Variants in ANKLE2 observed in about 807,000 individuals in gnomAD.
The protein encoded by ANKLE2 is ankyrin repeat and LEM domain-containing protein 2.
A neutral mutation model predicts 84.2 loss-of-function variants in ANKLE2; 55 were observed. That is an observed-to-expected ratio of 0.65 (90% confidence interval 0.53 to 0.82). The LOEUF (loss-of-function observed/expected upper bound fraction) is 0.82, where lower values mean the gene tolerates loss of function less well. Among genes scored for constraint, ANKLE2 ranks in the 40% least tolerant of loss-of-function variants. ANKLE2 has a pLI of 0.00. For missense variants in ANKLE2, 1,238 were observed against 1,201.9 expected, an observed-to-expected ratio of 1.03 and a Z score of -0.44; for synonymous variants, 551 against 486.1, an observed-to-expected ratio of 1.13 and a Z score of -1.76.
chr12:132,744,830 G>A (rs964584263), intron 5 of ANKLE2, among the ~76,000 whole-genome samples: 21 of 152,078 alleles, frequency 1.4e-4, no homozygotes, highest in African/African-American at 4.8e-4. Flanking sequence ...ACAGGTGCCC[G>A]CCACCACGCC....
Position 132,729,686 on chromosome 12 carries a change from G to A in ANKLE2, c.2476C>T (p.Leu826Phe). The stretch of plus-strand genomic sequence containing the variant: ...AGGGCAACACACTCCTACCCAAAAA[G>A]GAAGAGCCGCCTGGCCGGTTCCCTG... Reference protein sequence around the residue: ...VTREPARRLFLFGEEPSKLDQ... With the variant: ...VTREPARRLFFFGEEPSKLDQ... Residue 826 changes from leucine (L) to phenylalanine (F), a missense_variant, in exon 11 of 13, where the codon CTT becomes TTT. By Grantham distance (22) the Leu-to-Phe change is conservative. Around this residue, in one of 3 missense-constraint regions of ANKLE2, gnomAD observed 802 missense variants for 774.5 expected, o/e 1.04. Coordinates refer to ENST00000357997, the MANE Select transcript of ANKLE2 (RefSeq NM_015114.3). 2 of 1,603,846 alleles carry A rather than the reference G, an allele frequency of 1.2e-6. No homozygotes were observed. Among genetic ancestry groups the A allele is most frequent in the Non-Finnish European group, 1.7e-6 (2 of 1,176,708 alleles).
At chr12:132,750,277 T>C (rs1334035631) in intron 3 of ANKLE2, among the ~76,000 whole-genome samples, 1 of 151,230 alleles carries the variant, frequency 6.6e-6, no homozygotes, top group Non-Finnish European at 1.5e-5. Context: ...TCTCAGCTAC[T>C]TGGGAGGCTA....
chr12:132,746,130 C>T (rs779289284), intron 5 of ANKLE2, among the ~76,000 whole-genome samples: 1 of 151,734 alleles, frequency 6.6e-6, no homozygotes, highest in East Asian at 1.9e-4. Flanking sequence ...GGGCCGATCA[C>T]GAGGTCAGGA....
intron 2 of ANKLE2, among the ~76,000 whole-genome samples, chr12:132,753,699 C>T (rs934424778): frequency 6.6e-6 from 1 of 151,866 alleles, no homozygotes; most frequent in African/African-American, 2.4e-5. Flanking sequence ...TGAGATCGCA[C>T]CACTGCACTC....
rs867700971 is a variant in ANKLE2 at position 132,761,823 on chromosome 12, C to G, written c.-25G>C. ...TCGCCGCCGCCCGGGCCGCAGCCGCCGAGAAGCCCGCGCCCCGCGCCGCGC... is the reference window on the plus strand; with the variant it reads ...TCGCCGCCGCCCGGGCCGCAGCCGCGGAGAAGCCCGCGCCCCGCGCCGCGC... On this transcript the variant is annotated 5_prime_UTR_variant, in exon 1 of 13. Transcript: ENST00000357997. 2.0e-6 allele frequency: 2 copies of G among 1,002,508 alleles called. No homozygotes were observed. The highest frequency in any genetic ancestry group is 1.8e-5 in the African/African-American group (1 of 57,076). The allele number at this position is 1,002,508 out of a possible 1,614,324, so 62.1% of individuals were successfully genotyped here.
intron 7 of ANKLE2, among the ~76,000 whole-genome samples, chr12:132,740,202 G>A (rs755103679): frequency 2.0e-5 from 3 of 152,236 alleles, no homozygotes; most frequent in African/African-American, 4.8e-5. Context: ...CAACGGCCCT[G>A]AGGAGGAACT....
rs1392382366 is a variant in ANKLE2 at position 132,727,307 on chromosome 12, A to G, written c.2752T>C (p.Tyr918His). Residue 918 changes from tyrosine (Y) to histidine (H), a missense_variant, in exon 13 of 13, where the codon TAC becomes CAC. By Grantham distance (83) the Tyr-to-His change is moderately conservative. This residue lies in a region of ANKLE2 where 802 missense variants were observed against 774.5 expected (regional missense o/e 1.04). Transcript: ENST00000357997. Reference protein sequence around the residue: ...AKPGLGSPGRYSPVHGSQLRR... With the variant: ...AKPGLGSPGRHSPVHGSQLRR... Reference sequence around the variant, plus strand: ...AGCTGGCTCCCGTGCACGGGGCTGTAGCGCCCAGGACTGCCCAGGCCTGGC... The same window carrying G: ...AGCTGGCTCCCGTGCACGGGGCTGTGGCGCCCAGGACTGCCCAGGCCTGGC... 6.4e-7 allele frequency: 1 copy of G among 1,564,628 alleles called. No homozygotes were observed. The highest frequency in any genetic ancestry group is 8.7e-7 in the Non-Finnish European group (1 of 1,155,192).
At chr12:132,742,114 T>C (rs1334850203) in intron 6 of ANKLE2, 2 of 262,250 alleles carry the variant, frequency 7.6e-6, no homozygotes, top group South Asian at 3.5e-5. Flanking sequence ...CTTTAAAAAG[T>C]CAAATGCTTT....
chr12:132,757,370 A>G (rs999726397), intron 1 of ANKLE2: 1 of 152,270 alleles, frequency 6.6e-6, no homozygotes, highest in African/African-American at 2.4e-5. Context: ...TCTATGAGCC[A>G]AAGGCCACGT....
At chr12:132,749,786 C>T (rs569450494) in intron 3 of ANKLE2, among the ~76,000 whole-genome samples, 2 of 152,328 alleles carry the variant, frequency 1.3e-5, no homozygotes, top group South Asian at 4.1e-4. Context: ...GGTCAGACTT[C>T]GGGCTGGACC....
In ANKLE2 at chr12:132,747,891, T is replaced by C. The variant is rs1566029633; in HGVS notation, c.1171A>G (p.Met391Val). The C allele has an allele frequency of 2.5e-6, 4 of 1,610,770 alleles. No individual in the cohort carries two copies. In the African/African-American group the frequency reaches 5.4e-5, roughly 22 times the overall value. The change falls in exon 5 of 13, where the codon ATG (methionine) becomes GTG (valine). Residue 391 changes from methionine (M) to valine (V), a missense_variant. Physicochemically the swap from Met to Val is conservative, Grantham distance 21. Transcript: ENST00000357997. ...ACGTAACGGATACGCTTCTGCAGCA[T>C]GGCCTCGTCGTCATCAGGGTACATC... ...RLMYPDDDEAMLQKRIRYVVD... is the reference protein window; with the variant it reads ...RLMYPDDDEAVLQKRIRYVVD...
chr12:132,752,105 C>A (rs1339063670), intron 2 of ANKLE2, among the ~76,000 whole-genome samples: 1 of 152,066 alleles, frequency 6.6e-6, no homozygotes, highest in Non-Finnish European at 1.5e-5. Flanking sequence ...CTTTGGGAGG[C>A]TGAGGCAGGT....
At chr12:132,744,673 T>G (rs914509434) in intron 5 of ANKLE2, among the ~76,000 whole-genome samples, 3 of 152,130 alleles carry the variant, frequency 2.0e-5, no homozygotes, top group Non-Finnish European at 4.4e-5. Context: ...AAGGACCAGA[T>G]AGTAAGCACT....
chr12:132,736,219 G>A (rs1161574315), intron 8 of ANKLE2, among the ~76,000 whole-genome samples: 14 of 152,378 alleles, frequency 9.2e-5, no homozygotes, highest in Non-Finnish European at 1.5e-5. Flanking sequence ...CAAAGTGCTG[G>A]GATTTCAGGC....
chr12:132,758,494 G>C (rs1030506256), intron 1 of ANKLE2: 1 of 152,212 alleles, frequency 6.6e-6, no homozygotes, highest in South Asian at 2.1e-4. Context: ...GAAACAGCTA[G>C]GTCTGAACAC....
chr12:132,747,950 A>G lies in ANKLE2; in HGVS notation c.1112T>C (p.Leu371Pro). 2 of 1,600,356 alleles carry G rather than the reference A, an allele frequency of 1.2e-6. No individual in the cohort carries two copies. Among genetic ancestry groups the G allele is most frequent in the Non-Finnish European group, 1.7e-6 (2 of 1,176,758 alleles). ...ENQASICQLT[L>P]DVLENPDFMR... ...GAAGTCAGGGTTCTCCAGGACGTCC[A>G]GAGTCAGCTGGCAGATGGAAGCCTG... The change falls in exon 5 of 13, where the codon CTG (leucine) becomes CCG (proline). Residue 371 changes from leucine to proline, a missense_variant. By Grantham distance (98) the Leu-to-Pro change is moderately conservative. Around this residue, in one of 3 missense-constraint regions of ANKLE2, gnomAD observed 802 missense variants for 774.5 expected, o/e 1.04. Transcript: ENST00000357997.
At chr12:132,740,921 G>A (rs1044886942) in intron 7 of ANKLE2, among the ~76,000 whole-genome samples, 5 of 141,234 alleles carry the variant, frequency 3.5e-5, no homozygotes, top group African/African-American at 7.5e-5. Context: ...AGGAGTACAG[G>A]AGGAGGAAGG....
At position 132,736,995 on chromosome 12, in the gene ANKLE2, TGG is replaced by T; in HGVS notation, c.1489_1490del (p.Pro497ArgfsTer5). The part of the protein sequence containing the change: ...SSPVIGELWS[P>X]DQTAEASHVS... ...CGTGAGAGGCCTCAGCCGTCTGGTC[TGG>T]GGACCACAGCTCCCCGATGACTGGA... On this transcript the variant is annotated frameshift_variant, in exon 8 of 13. Coordinates refer to ENST00000357997, the MANE Select transcript of ANKLE2 (RefSeq NM_015114.3). LOFTEE classifies it high-confidence loss of function. The T allele has an allele frequency of 1.9e-6, 3 of 1,613,578 alleles. No individual in the cohort carries two copies. The highest frequency in any genetic ancestry group is 2.5e-6 in the Non-Finnish European group (3 of 1,179,644).
At position 132,729,846 on chromosome 12, in the gene ANKLE2, T is replaced by G. The variant is rs1365484452; in HGVS notation, c.2316A>C (p.Arg772Ser). The change falls in exon 11 of 13, where the codon AGA becomes AGC. Residue 772 changes from arginine (R) to serine (S), a missense_variant. Transcript: ENST00000357997. ...CTGCGGGAGAAGGCTCTAACAAGTC[T>G]CTTTCTACTGCATTGATTCTTGAAG... ...ILTSRINAVERDLLEPSPADQ... is the reference protein window; with the variant it reads ...ILTSRINAVESDLLEPSPADQ... 1 of 1,613,590 alleles carries G rather than the reference T, an allele frequency of 6.2e-7. No homozygotes were observed. Among genetic ancestry groups the G allele is most frequent in the Non-Finnish European group, 8.5e-7 (1 of 1,179,840 alleles).
Sources: allele counts gnomAD v4.1 joint callset (sites outside exome capture counted in the v4.1 genomes callset), GRCh38; gene constraint gnomAD v4.1.1; regional missense constraint gnomAD v4.1.1; transcripts MANE v1.5; gene names NCBI Gene and HGNC (gene_info 2026-07-23, HGNC 2026-07-21).